HEXA: variants seen among roughly 807,000 people sequenced by gnomAD.
HEXA encodes the protein beta-hexosaminidase subunit alpha.
Under a neutral mutation model 73.3 loss-of-function variants are expected in HEXA, and 54 were observed. That is an observed-to-expected ratio of 0.74 (90% CI 0.59 to 0.92). The LOEUF (loss-of-function observed/expected upper bound fraction) is 0.92. HEXA is among the 40% of genes least tolerant of loss of function. The pLI is 0.00. For missense variants in HEXA, 649 were observed against 653.0 expected (o/e 0.99, Z 0.07); for synonymous variants, 230 against 246.9 (o/e 0.93, Z 0.64).
At chr15:72,368,070 T>C (rs1170791571) in intron 1 of HEXA, among the ~76,000 whole-genome samples, 2 of 152,196 alleles carry the variant, frequency 1.3e-5, no homozygotes, top group Non-Finnish European at 2.9e-5. Flanking sequence ...GACCTAGTAC[T>C]ATTGACAATT....
intron 1 of HEXA, among the ~76,000 whole-genome samples, chr15:72,366,590 T>A (rs1361197032): frequency 6.6e-6 from 1 of 151,886 alleles, no homozygotes; most frequent in East Asian, 1.9e-4. Flanking sequence ...GGATTACAGG[T>A]GTGAGCCACC....
chr15:72,369,059 C>G (rs1037095930), intron 1 of HEXA, among the ~76,000 whole-genome samples: 5 of 152,184 alleles, frequency 3.3e-5, no homozygotes, highest in African/African-American at 1.2e-4. Context: ...CACACCCAAG[C>G]CTAACCAGCC....
chr15:72,375,991 C>G lies in HEXA; in HGVS notation c.-19G>C. 1 of 1,611,526 alleles carries G rather than the reference C, an allele frequency of 6.2e-7. No individual in the cohort carries two copies. Among genetic ancestry groups the G allele is most frequent in the South Asian group, 1.1e-5 (1 of 91,048 alleles). ...TTGTCATGGCCCGCTGGTCTCCCCT[C>G]TCGGAGGGGGCTGGCCACGTGAGAC... On this transcript the variant is annotated 5_prime_UTR_variant, in exon 1 of 14. Coordinates refer to ENST00000268097, the MANE Select transcript of HEXA (RefSeq NM_000520.6).
intron 1 of HEXA, among the ~76,000 whole-genome samples, chr15:72,369,019 T>A (rs1350620603): frequency 1.3e-5 from 2 of 151,998 alleles, no homozygotes; most frequent in African/African-American, 4.8e-5. Flanking sequence ...TATTTTTGAG[T>A]ATACGCTTCC....
chr15:72,367,218 C>T lies in HEXA; in HGVS notation c.253+8502G>A, dbSNP rs1271643681. On this transcript the variant is annotated intron_variant, in intron 1 of 13. Transcript: ENST00000268097. ...TCAGCCTCCCAAAGTGCTGGGATTA[C>T]AGGTGTGAGCCACCACGACCACCAA... Among the ~76,000 whole-genome samples, 3 of 152,210 alleles carry T rather than the reference C, an allele frequency of 2.0e-5. No homozygotes were observed. The East Asian group carries it at 5.8e-4, about 29-fold the overall frequency.
At chr15:72,360,713 A>G (rs73442510) in intron 1 of HEXA, among the ~76,000 whole-genome samples, 10,956 of 152,174 alleles carry the variant, frequency 0.072, 1,097 homozygotes, top group African/African-American at 0.23. Context: ...AAGGACCTGA[A>G]CTCCAAAGGA....
rs371212159 is a variant in HEXA, at chr15:72,351,278, G to A, written c.571-44C>T. The stretch of plus-strand genomic sequence containing the variant: ...ACTGTGAACCCATCACAGTCTCTCC[G>A]GTTTCAGCCTCAAACTTGCGATGTT... On this transcript the variant is annotated intron_variant, in intron 5 of 13. Coordinates refer to ENST00000268097, the MANE Select transcript of HEXA (RefSeq NM_000520.6). 1.9e-4 allele frequency: 247 copies of A among 1,321,626 alleles called. 1 individual carries two copies. In the South Asian group the frequency reaches 2.4e-3, roughly 13 times the overall value. 81.9% of individuals were successfully genotyped at this position (1,321,626 alleles called of 1,614,324 possible).
chr15:72,353,193 C>T lies in HEXA; in HGVS notation c.460-15G>A, dbSNP rs2140326434. The T allele has an allele frequency of 6.9e-7, 1 of 1,457,994 alleles. No individual in the cohort carries two copies. The highest frequency in any genetic ancestry group is 1.4e-5 in the African/African-American group (1 of 71,972). 90.3% of individuals were successfully genotyped at this position (1,457,994 alleles called of 1,614,324 possible). Reference sequence around the variant, plus strand: ...TTGATAAAGAACTGTGCAGAACAAACATTGAACATGTCAGTTTCAAAGGAA... The same window carrying T: ...TTGATAAAGAACTGTGCAGAACAAATATTGAACATGTCAGTTTCAAAGGAA... On this transcript the variant is annotated splice_polypyrimidine_tract_variant and intron_variant, in intron 4 of 13. Transcript: ENST00000268097.
At chr15:72,348,194 G>C in intron 8 of HEXA, 60 bp from the exon 9 acceptor site, 1 of 1,168,232 alleles carries the variant, frequency 8.6e-7, no homozygotes, top group South Asian at 1.2e-5. Flanking sequence ...TAATGCCTGG[G>C]GATTAGTCAC....
intron 1 of HEXA, chr15:72,358,216 T>G (rs1023186296): frequency 6.6e-6 from 1 of 152,170 alleles, no homozygotes; most frequent in Non-Finnish European, 1.5e-5. Flanking sequence ...CCACACATCA[T>G]GGAGCCCCAA....
chr15:72,345,266 TG>T, intron 13 of HEXA, 179 bp downstream of exon 13: 1 of 1,198,206 alleles, frequency 8.3e-7, no homozygotes, highest in Admixed American at 2.5e-5. Flanking sequence ...TACCATTTTT[TG>T]TTGTATTTTT....
chr15:72,349,674 T>C (rs995209741), intron 7 of HEXA, among the ~76,000 whole-genome samples: 1 of 152,216 alleles, frequency 6.6e-6, no homozygotes, highest in African/African-American at 2.4e-5. Context: ...CAGAATCTTT[T>C]TACATTTGCT....
At chr15:72,375,674 A>G in intron 1 of HEXA, 46 bp downstream of exon 1, 1 of 1,611,250 alleles carries the variant, frequency 6.2e-7, no homozygotes, top group Non-Finnish European at 8.5e-7. Flanking sequence ...GTCCCCAGGC[A>G]GGCACTCTCA....
intron 7 of HEXA, among the ~76,000 whole-genome samples, chr15:72,349,556 C>T (rs1370964356): frequency 6.6e-6 from 1 of 152,226 alleles, no homozygotes; most frequent in Non-Finnish European, 1.5e-5. Context: ...CCCTTGCTCC[C>T]AAGGCTGCTC....
intron 1 of HEXA, among the ~76,000 whole-genome samples, chr15:72,367,012 C>T (rs917006551): frequency 1.6e-4 from 24 of 151,962 alleles, no homozygotes; most frequent in East Asian, 1.9e-4. Context: ...GGCGCACTCT[C>T]GGCTCACTGC....
In HEXA at chr15:72,351,332, C is replaced by T. The variant is rs990203696; in HGVS notation, c.571-98G>A. 13 of 794,784 alleles carry T rather than the reference C, an allele frequency of 1.6e-5. No homozygotes were observed. In the East Asian group the frequency reaches 3.2e-4, roughly 20 times the overall value. The allele number at this position is 794,784 out of a possible 1,614,324, so 49.2% of individuals were successfully genotyped here. A position where few individuals can be genotyped will look rare whatever the true frequency, so the allele number is the denominator to read the frequency against. ...CGAGCTCTCAGGCCGCTCCACACAC[C>T]CCTACAGGCTTGACCTGCCTCAGCT... On this transcript the variant is annotated intron_variant, in intron 5 of 13. Coordinates refer to ENST00000268097, the MANE Select transcript of HEXA (RefSeq NM_000520.6).
intron 1 of HEXA, chr15:72,360,181 G>A (rs2088836000): frequency 6.5e-6 from 1 of 153,256 alleles, no homozygotes; most frequent in Non-Finnish European, 1.5e-5. Flanking sequence ...TCTGCCTGCT[G>A]TGCCCCTGAC....
intron 3 of HEXA, chr15:72,355,176 TC>T (rs1831384545): frequency 2.9e-6 from 1 of 341,228 alleles, no homozygotes; most frequent in Non-Finnish European, 5.7e-6. Flanking sequence ...GTAAAACCTG[TC>T]AACTTCCAGG....
intron 1 of HEXA, among the ~76,000 whole-genome samples, chr15:72,364,236 C>T (rs909942884): frequency 1.3e-5 from 2 of 152,038 alleles, no homozygotes; most frequent in African/African-American, 4.8e-5. Context: ...CACGCCACTG[C>T]ACTCTAGCCT....
Sources: gnomAD v4.1 joint callset for allele counts (sites outside exome capture counted in the v4.1 genomes callset) on GRCh38, gnomAD v4.1.1 for gene constraint, MANE v1.5 for transcripts, NCBI Gene and HGNC (gene_info 2026-07-23, HGNC 2026-07-21) for gene names.